The following FMN1 variants were observed in gnomAD, a reference collection of about 807,000 sequenced individuals.
The protein encoded by FMN1 is formin-1.
Under a neutral mutation model 132.4 loss-of-function variants are expected in FMN1, and 110 were observed. The ratio of observed to expected loss-of-function variants is 0.83; its 90% CI spans 0.71 to 0.97. The LOEUF is 0.97. Among genes scored for constraint, FMN1 ranks in the 50% least tolerant of loss-of-function variants. The pLI, the probability that FMN1 is intolerant of heterozygous loss-of-function variation, is 0.00. For synonymous variants in FMN1, 722 were observed against 651.7 expected (o/e 1.11, Z -1.64); for missense variants, 1,792 against 1,705.3 (o/e 1.05, Z -0.90).
In FMN1 at chr15:32,769,807, T is replaced by C. The variant is rs1352738604; in HGVS notation, c.*4503A>G. The C allele has an allele frequency of 1.3e-5, 2 of 152,242 alleles. No homozygotes were observed. Among genetic ancestry groups the C allele is most frequent in the East Asian group, 3.8e-4 (2 of 5,202 alleles). 9.4% of individuals were successfully genotyped at this position (152,242 alleles called of 1,614,324 possible). ...ACATGAATGAAAGTTCACTTCTTTA[T>C]TCTCTCCACTCTCTTCAGTTGTAGG... On this transcript the variant is annotated 3_prime_UTR_variant, in exon 21 of 21. Coordinates refer to ENST00000616417, the MANE Select transcript of FMN1 (RefSeq NM_001277313.2).
intron 19 of FMN1, among the ~76,000 whole-genome samples, chr15:32,794,142 A>T (rs1328396571): frequency 1.4e-5 from 2 of 145,864 alleles, no homozygotes; most frequent in Non-Finnish European, 3.0e-5. Flanking sequence ...GACTTAAAAC[A>T]AAAACCCTAT....
intron 19 of FMN1, among the ~76,000 whole-genome samples, chr15:32,782,324 T>TA (rs1225162147): frequency 6.6e-6 from 1 of 152,230 alleles, no homozygotes; most frequent in African/African-American, 2.4e-5. Context: ...TTTTCTGACT[T>TA]AAACAATTTA....
chr15:32,978,817 C>T (rs1357747764), intron 7 of FMN1, among the ~76,000 whole-genome samples: 1 of 152,180 alleles, frequency 6.6e-6, no homozygotes, highest in East Asian at 1.9e-4. Context: ...TTTTGAAAAC[C>T]ATGATGCGGA....
At chr15:33,020,379 G>A (rs1444317396) in intron 6 of FMN1, among the ~76,000 whole-genome samples, 2 of 150,458 alleles carry the variant, frequency 1.3e-5, no homozygotes, top group African/African-American at 2.4e-5. Context: ...CAGGCGCGGT[G>A]GCTCATGCCT....
rs1046491184 is a variant in FMN1 at position 33,153,627 on chromosome 15, A to G, written c.1288T>C (p.Leu430=). 9 of 1,536,028 alleles carry G rather than the reference A, an allele frequency of 5.9e-6. No individual in the cohort carries two copies. In the African/African-American group the frequency reaches 1.2e-4, roughly 21 times the overall value. Residue 430 remains leucine (L), a synonymous_variant, in exon 4 of 21, where the codon TTA becomes CTA. Transcript: ENST00000616417. ...VPLKVIESEK[L]DEAPEGKRLG... is the part of the protein sequence containing the mutation. ...CTTTTCCCCTCAGGGGCTTCATCTA[A>G]CTTCTCACTCTCTATCACCTTCAGG...
chr15:32,815,318 T>TTA (rs2058023573), intron 17 of FMN1, among the ~76,000 whole-genome samples: 1 of 152,188 alleles, frequency 6.6e-6, no homozygotes, highest in Admixed American at 6.5e-5. Flanking sequence ...TCATAGCATT[T>TTA]TAGTACTAGA....
In FMN1 at chr15:32,948,784, T is replaced by TC. The variant is rs532200350; in HGVS notation, c.3138+15322dup. On this transcript the variant is annotated intron_variant, in intron 9 of 20. Transcript: ENST00000616417. The stretch of plus-strand genomic sequence containing the variant: ...AGTTTTTGAATGTTATTCTTTTTTT[T>TC]CAAAGAAGAAACTTTTGTCTTTAAT... 2.1e-4 allele frequency among the ~76,000 whole-genome samples: 32 copies of TC among 152,170 alleles called. No homozygotes were observed. The South Asian group carries it at 2.9e-3, about 14-fold the overall frequency.
chr15:32,776,279 A>C (rs2056414635), intron 20 of FMN1, among the ~76,000 whole-genome samples: 1 of 152,192 alleles, frequency 6.6e-6, no homozygotes, highest in Non-Finnish European at 1.5e-5. Flanking sequence ...CTCTACTGAA[A>C]ACTGGACTTT....
At chr15:33,185,481 T>C (rs913962430) in intron 2 of FMN1, among the ~76,000 whole-genome samples, 6 of 151,860 alleles carry the variant, frequency 4.0e-5, no homozygotes, top group African/African-American at 1.5e-4. Flanking sequence ...ATTTAGAGAA[T>C]AGAAAGTAAA....
chr15:33,100,885 T>C lies in FMN1; in HGVS notation c.1868-11911A>G, dbSNP rs528416883. ...ATTACTGTGGAATATTATATAATTATTTAAAATCATGTTTCCAAAGAATAT... is the reference window on the plus strand; with the variant it reads ...ATTACTGTGGAATATTATATAATTACTTAAAATCATGTTTCCAAAGAATAT... On this transcript the variant is annotated intron_variant, in intron 4 of 20. Transcript: ENST00000616417. Among the ~76,000 whole-genome samples, 97 of 152,326 alleles carry C rather than the reference T, an allele frequency of 6.4e-4. 3 individuals are homozygous for C. In the South Asian group the frequency reaches 0.019, roughly 31 times the overall value.
At chr15:32,863,761 G>A (rs2059331431) in intron 16 of FMN1, among the ~76,000 whole-genome samples, 1 of 152,110 alleles carries the variant, frequency 6.6e-6, no homozygotes, top group Non-Finnish European at 1.5e-5. Context: ...GGGGTGGGAG[G>A]ACGTGGTTAG....
At chr15:32,777,594 CTT>C (rs1308661974) in intron 19 of FMN1, among the ~76,000 whole-genome samples, 5 of 90,578 alleles carry the variant, frequency 5.5e-5, no homozygotes, top group Admixed American at 1.1e-4. Context: ...ACATATAACA[CTT>C]TATATATTAC....
chr15:32,976,853 G>C (rs887350508), intron 7 of FMN1, among the ~76,000 whole-genome samples: 1 of 152,140 alleles, frequency 6.6e-6, no homozygotes, highest in African/African-American at 2.4e-5. Context: ...GCTGATGCTC[G>C]AGAAACACAA....
At chr15:32,827,458 A>C (rs1166911099) in intron 17 of FMN1, among the ~76,000 whole-genome samples, 1 of 152,224 alleles carries the variant, frequency 6.6e-6, no homozygotes, top group Non-Finnish European at 1.5e-5. Flanking sequence ...AACATATAAG[A>C]AAATAGCATT....
chr15:33,000,736 G>A (rs935105040), intron 7 of FMN1, among the ~76,000 whole-genome samples: 9 of 152,184 alleles, frequency 5.9e-5, no homozygotes, highest in Non-Finnish European at 7.4e-5. Flanking sequence ...TGGGTTTCTT[G>A]AAGAAAAAGG....
At chr15:32,950,750 T>C (rs1003432372) in intron 9 of FMN1, among the ~76,000 whole-genome samples, 3 of 152,270 alleles carry the variant, frequency 2.0e-5, no homozygotes, top group Admixed American at 1.3e-4. Context: ...CTAGGCTTAA[T>C]ACCTGGGTGA....
intron 10 of FMN1, among the ~76,000 whole-genome samples, chr15:32,917,096 C>A (rs2060702812): frequency 6.6e-6 from 1 of 152,066 alleles, no homozygotes; most frequent in Non-Finnish European, 1.5e-5. Flanking sequence ...ACAATGAGGT[C>A]ATCCTTGAGA....
chr15:32,803,534 C>T lies in FMN1; in HGVS notation c.3980+747G>A, dbSNP rs549575966. ...GGTGACATGAATCTGAACAGAAGAT[C>T]TCTGAGGTGTTCCCCAACTTCTGGG... On this transcript the variant is annotated intron_variant, in intron 18 of 20. Transcript: ENST00000616417. 3.3e-5 allele frequency among the ~76,000 whole-genome samples: 5 copies of T among 152,258 alleles called. No individual in the cohort carries two copies. The South Asian group carries it at 1.0e-3, about 32-fold the overall frequency.
intron 17 of FMN1, among the ~76,000 whole-genome samples, chr15:32,840,952 C>G (rs1323754654): frequency 6.6e-6 from 1 of 152,140 alleles, no homozygotes; most frequent in African/African-American, 2.4e-5. Flanking sequence ...TCACACAGTA[C>G]AAGAGTTTGT....
Sources: gnomAD v4.1 joint callset for allele counts (sites outside exome capture counted in the v4.1 genomes callset) on GRCh38, gnomAD v4.1.1 for gene constraint, MANE v1.5 for transcripts, NCBI Gene and HGNC (gene_info 2026-07-23, HGNC 2026-07-21) for gene names.